Variants in MALRD1 observed in about 807,000 individuals in gnomAD.
MALRD1 encodes the protein MAM and LDL-receptor class A domain-containing protein 1.
In MALRD1, 247 loss-of-function variants were observed where a neutral mutation model predicts 242.1. The observed-to-expected ratio is 1.02, with a 90% CI of 0.92 to 1.13. The LOEUF (loss-of-function observed/expected upper bound fraction) is 1.13, where lower values mean the gene tolerates loss of function less well. Among genes scored for constraint, MALRD1 ranks in the 50% most tolerant of loss-of-function variants. The probability of loss-of-function intolerance (pLI) is 0.00; values close to 1 mark genes in which losing one functional copy is unlikely to be tolerated. For synonymous variants in MALRD1, 995 were observed against 866.6 expected (o/e 1.15, Z -2.60); for missense variants, 2,989 against 2,533.1 (o/e 1.18, Z -3.86).
intron 32 of MALRD1, among the ~76,000 whole-genome samples, chr10:19,553,129 C>G (rs1835563855): frequency 6.6e-6 from 1 of 151,926 alleles, no homozygotes; most frequent in African/African-American, 2.4e-5. Context: ...TCACCTTATT[C>G]CATATAATGT....
intron 36 of MALRD1, among the ~76,000 whole-genome samples, chr10:19,645,883 A>AT (rs1180701156): frequency 1.3e-5 from 2 of 152,044 alleles, no homozygotes; most frequent in Non-Finnish European, 2.9e-5. Context: ...TATAATAATA[A>AT]AAAAAAAGAA....
intron 26 of MALRD1, among the ~76,000 whole-genome samples, chr10:19,383,907 G>T (rs992926804): frequency 6.6e-6 from 1 of 151,902 alleles, no homozygotes; most frequent in Non-Finnish European, 1.5e-5. Context: ...TGCGGTGAGT[G>T]CTATGATATG....
intron 2 of MALRD1, among the ~76,000 whole-genome samples, chr10:19,068,244 A>G (rs1250529245): frequency 6.6e-6 from 1 of 151,998 alleles, no homozygotes; most frequent in African/African-American, 2.4e-5. Flanking sequence ...GTGGAGTTAA[A>G]TAGCTTCAGA....
intron 26 of MALRD1, among the ~76,000 whole-genome samples, chr10:19,384,365 G>C (rs1169462126): frequency 8.7e-6 from 1 of 114,496 alleles, no homozygotes; most frequent in Non-Finnish European, 1.7e-5. Context: ...ATATTATATA[G>C]TATATAATAT....
In MALRD1 at chr10:19,536,569, T is replaced by G. The variant is rs1244402663; in HGVS notation, c.5478+5218T>G. Among the ~76,000 whole-genome samples, 5 of 152,136 alleles carry G rather than the reference T, an allele frequency of 3.3e-5. No individual in the cohort carries two copies. In the South Asian group the frequency reaches 6.2e-4, roughly 19 times the overall value. On this transcript the variant is annotated intron_variant, in intron 32 of 39. Coordinates refer to ENST00000454679, the MANE Select transcript of MALRD1 (RefSeq NM_001142308.3). ...TAATCAGTCCCCTATCTCTCTATATTAAACTTCCTTTATTTGAAATATGTT... is the reference window on the plus strand; with the variant it reads ...TAATCAGTCCCCTATCTCTCTATATGAAACTTCCTTTATTTGAAATATGTT...
chr10:19,467,204 A>G (rs1286093338), intron 29 of MALRD1, among the ~76,000 whole-genome samples: 1 of 126,628 alleles, frequency 7.9e-6, no homozygotes, highest in Admixed American at 8.7e-5. Context: ...AATACAAAAA[A>G]ATTAGCCGGG....
intron 18 of MALRD1, among the ~76,000 whole-genome samples, chr10:19,225,199 A>G (rs571897834): frequency 2.6e-5 from 4 of 152,276 alleles, no homozygotes; most frequent in African/African-American, 9.6e-5. Flanking sequence ...CGTATATGGG[A>G]TGAATGAAGT....
At chr10:19,616,965 A>C (rs78773187) in intron 36 of MALRD1, among the ~76,000 whole-genome samples, 2,466 of 152,098 alleles carry the variant, frequency 0.016, 65 homozygotes, top group African/African-American at 0.056. Context: ...TTAATTTATC[A>C]GAAACTATTA....
At chr10:19,720,359 A>G (rs1834685318) in intron 38 of MALRD1, among the ~76,000 whole-genome samples, 1 of 152,122 alleles carries the variant, frequency 6.6e-6, no homozygotes, top group African/African-American at 2.4e-5. Context: ...TGATTTTCTA[A>G]AATAATGTGG....
In MALRD1 at chr10:19,567,483, T is replaced by C. The variant is rs1372996675; in HGVS notation, c.5479-19T>C. 6.5e-7 allele frequency: 1 copy of C among 1,542,448 alleles called. No homozygotes were observed. Among genetic ancestry groups the C allele is most frequent in the Admixed American group, 2.0e-5 (1 of 50,268 alleles). The stretch of plus-strand genomic sequence containing the variant: ...CTAATATCCAATCATAAAAAGTTAT[T>C]TTTTAATGATTTTTAAAGGTGTATA... On this transcript the variant is annotated intron_variant, in intron 32 of 39. Transcript: ENST00000454679.
chr10:19,654,022 C>T (rs1259521201), intron 36 of MALRD1, among the ~76,000 whole-genome samples: 2 of 152,168 alleles, frequency 1.3e-5, no homozygotes, highest in African/African-American at 2.4e-5. Flanking sequence ...ATCATTAATA[C>T]AGTGAGTAGC....
At chr10:19,485,664 A>AT (rs1837206668) in intron 29 of MALRD1, among the ~76,000 whole-genome samples, 1 of 149,400 alleles carries the variant, frequency 6.7e-6, no homozygotes, top group Non-Finnish European at 1.5e-5. Context: ...AAAAAATAGT[A>AT]ATAATAATAA....
At chr10:19,390,781 C>G (rs927078288) in intron 28 of MALRD1, among the ~76,000 whole-genome samples, 4 of 151,950 alleles carry the variant, frequency 2.6e-5, no homozygotes, top group East Asian at 1.9e-4. Flanking sequence ...TCTGCAGAGT[C>G]TATGTTTTAT....
intron 19 of MALRD1, among the ~76,000 whole-genome samples, chr10:19,270,006 T>C (rs1332467231): frequency 6.6e-6 from 1 of 152,192 alleles, no homozygotes; most frequent in Non-Finnish European, 1.5e-5. Flanking sequence ...AAATCAGAAC[T>C]AAAGATGCAG....
At chr10:19,484,444 T>A (rs935355212) in intron 29 of MALRD1, among the ~76,000 whole-genome samples, 4 of 152,190 alleles carry the variant, frequency 2.6e-5, no homozygotes, top group African/African-American at 9.6e-5. Context: ...AATTTACTAT[T>A]AGACAATATG....
At chr10:19,646,949 G>A (rs1466275502) in intron 36 of MALRD1, among the ~76,000 whole-genome samples, 7 of 152,144 alleles carry the variant, frequency 4.6e-5, no homozygotes, top group Admixed American at 3.3e-4. Flanking sequence ...TGAGCACTGA[G>A]TGATCAAAGA....
rs948384263 is a variant in MALRD1 at position 19,531,199 on chromosome 10, G to A, written c.5326G>A (p.Gly1776Ser). The change falls in exon 32 of 40, where the codon GGT (glycine) becomes AGT (serine). Residue 1776 changes from glycine (G) to serine (S), a missense_variant. Gly to Ser is a moderately conservative substitution (Grantham distance 56). Transcript: ENST00000454679. ...TTTTGTTAATCTATTTCAAGGTAGT[G>A]GTCAGCACTTCCTGTACGTCAACTC... ...IPDSDHTPGSGQHFLYVNSSG... is the reference protein window; with the variant it reads ...IPDSDHTPGSSQHFLYVNSSG... 14 of 1,548,274 alleles carry A rather than the reference G, an allele frequency of 9.0e-6. No homozygotes were observed. Among genetic ancestry groups the A allele is most frequent in the African/African-American group, 1.4e-5 (1 of 72,960 alleles).
At chr10:19,360,658 T>C (rs910189442) in intron 26 of MALRD1, among the ~76,000 whole-genome samples, 8 of 152,228 alleles carry the variant, frequency 5.3e-5, no homozygotes, top group Non-Finnish European at 1.0e-4. Flanking sequence ...GCTAATATTT[T>C]TAATATACTT....
At chr10:19,141,470 C>T (rs978397514) in intron 10 of MALRD1, among the ~76,000 whole-genome samples, 2 of 151,872 alleles carry the variant, frequency 1.3e-5, no homozygotes, top group Non-Finnish European at 2.9e-5. Flanking sequence ...AATGGTTGTA[C>T]GACAATGGGA....
Sources: allele counts gnomAD v4.1 joint callset (sites outside exome capture counted in the v4.1 genomes callset), GRCh38; gene constraint gnomAD v4.1.1; transcripts MANE v1.5; gene names NCBI Gene and HGNC (gene_info 2026-07-23, HGNC 2026-07-21).